The following PRKAG1 variants were observed in gnomAD, a reference collection of about 807,000 sequenced individuals.
PRKAG1 encodes 5'-AMP-activated protein kinase subunit gamma-1.
Under a neutral mutation model 48.2 loss-of-function variants are expected in PRKAG1, and 27 were observed. The observed-to-expected ratio is 0.56, with a 90% CI of 0.41 to 0.77. PRKAG1 has a LOEUF of 0.77. Ranked by LOEUF, PRKAG1 falls within the 30% of genes least tolerant of loss-of-function variation. PRKAG1 has a pLI of 0.00. For synonymous variants in PRKAG1, 130 were observed against 147.7 expected, an observed-to-expected ratio of 0.88 and a Z score of 0.87; for missense variants, 287 against 398.3, an observed-to-expected ratio of 0.72 and a Z score of 2.38.
intron 1 of PRKAG1, among the ~76,000 whole-genome samples, chr12:49,015,534 G>T (rs1941931845): frequency 6.6e-6 from 1 of 152,178 alleles, no homozygotes; most frequent in Non-Finnish European, 1.5e-5. Context: ...TAGAGATACA[G>T]ATACCAACAT....
intron 1 of PRKAG1, among the ~76,000 whole-genome samples, chr12:49,015,193 G>A (rs966385365): frequency 2.0e-5 from 3 of 152,074 alleles, no homozygotes; most frequent in Non-Finnish European, 2.9e-5. Flanking sequence ...GGGAGAGAGG[G>A]CTGTGATAAA....
chr12:49,010,848 C>CTTTTT (rs34751625), intron 2 of PRKAG1, among the ~76,000 whole-genome samples: 1 of 142,880 alleles, frequency 7.0e-6, no homozygotes, highest in South Asian at 2.2e-4. Context: ...AATGTACCAC[C>CTTTTT]TTTTTTTTTT....
chr12:49,007,983 G>T lies in PRKAG1; in HGVS notation c.59-2131C>A, dbSNP rs547541923. Among the ~76,000 whole-genome samples the T allele has an allele frequency of 2.9e-4, 43 of 150,768 alleles. No individual in the cohort carries two copies. The Middle Eastern group carries it at 0.01, about 36-fold the overall frequency. ...CAAGCGATTCTCCTGCCTCAGCCTC[G>T]CAAGTAGCTGGGGTTACAGGTGCCC... On this transcript the variant is annotated intron_variant, in intron 2 of 11. Transcript: ENST00000548065.
chr12:49,003,410 C>A (rs1485646120), intron 10 of PRKAG1, 120 bp from the exon 11 acceptor site: 1 of 1,530,580 alleles, frequency 6.5e-7, no homozygotes, highest in Non-Finnish European at 8.9e-7. Context: ...ACACCCAACT[C>A]ATTCAATTCC....
At chr12:49,013,460 G>A (rs1342844166) in intron 1 of PRKAG1, among the ~76,000 whole-genome samples, 1 of 152,112 alleles carries the variant, frequency 6.6e-6, no homozygotes, top group Admixed American at 6.5e-5. Context: ...GCCCAGGCTG[G>A]TCTTGAACTC....
Position 49,005,458 on chromosome 12 carries a change from T to C in PRKAG1, c.250+4A>G, listed in dbSNP as rs1941498948. ...AATATTGTGTTCCAGAAACTTTTGC[T>C]TACCCACAAAACTTTGCTTCTTACT... On this transcript the variant is annotated splice_donor_region_variant and intron_variant, in intron 4 of 11. Coordinates refer to ENST00000548065, the MANE Select transcript of PRKAG1 (RefSeq NM_002733.5). This position sits in a 1 kb window ranked among gnomAD's most constrained non-coding sequence, Gnocchi z 4.1. The C allele has an allele frequency of 3.1e-6, 5 of 1,613,928 alleles. No individual in the cohort carries two copies. The highest frequency in any genetic ancestry group is 1.6e-4 in the Middle Eastern group (1 of 6,084).
At chr12:49,018,357 C>G (rs1347992919) in intron 1 of PRKAG1, 7 of 834,602 alleles carry the variant, frequency 8.4e-6, no homozygotes, top group Non-Finnish European at 1.1e-5. Flanking sequence ...TCCCTCTGGA[C>G]GCCCCGTGCC....
intron 2 of PRKAG1, chr12:49,009,346 C>T (rs941399927): frequency 3.9e-5 from 6 of 151,984 alleles, no homozygotes; most frequent in Admixed American, 3.9e-4. Context: ...TGGTCTTGAA[C>T]TCCTGGCCTC....
At position 49,002,879 on chromosome 12, in the gene PRKAG1, G is replaced by A. The variant is rs1371124020; in HGVS notation, c.*20C>T. 1.2e-6 allele frequency: 2 copies of A among 1,602,302 alleles called. No homozygotes were observed. The highest frequency in any genetic ancestry group is 1.7e-5 in the Admixed American group (1 of 59,858). The stretch of plus-strand genomic sequence containing the variant: ...TGAGTTGGGCATATCCCCTGGTGCT[G>A]CATGACCCCTTCCCCCAGCTCAGGG... On this transcript the variant is annotated 3_prime_UTR_variant, in exon 12 of 12. Coordinates refer to ENST00000548065, the MANE Select transcript of PRKAG1 (RefSeq NM_002733.5).
Position 49,004,633 on chromosome 12 carries a change from G to A in PRKAG1, c.411C>T (p.Ser137=), listed in dbSNP as rs750199636. 1.9e-5 allele frequency: 30 copies of A among 1,613,994 alleles called. No homozygotes were observed. Among genetic ancestry groups the A allele is most frequent in the Non-Finnish European group, 2.5e-5 (30 of 1,180,024 alleles). ...KPLVCISPNA[S]LFDAVSSLIR... is the part of the protein sequence containing the mutation. ...TTAATGAAGAGACAGCATCAAACAA[G>A]CTGTGAGAGGGTGGGAGATAATAAG... is the stretch of plus-strand genomic sequence containing the variant. The change falls in exon 8 of 12, where the codon AGC becomes AGT. Residue 137 remains serine (S), a splice_region_variant and synonymous_variant. Transcript: ENST00000548065.
chr12:49,006,247 T>TC (rs1418822108), intron 2 of PRKAG1, among the ~76,000 whole-genome samples: 24 of 152,210 alleles, frequency 1.6e-4, no homozygotes, highest in African/African-American at 4.6e-4. Context: ...TTAAAATTCT[T>TC]CCAAGACTGT....
Position 49,005,474 on chromosome 12 carries a change from G to C in PRKAG1, c.238C>G (p.Gln80Glu). 1.2e-6 allele frequency: 2 copies of C among 1,614,080 alleles called. No homozygotes were observed. The highest frequency in any genetic ancestry group is 1.7e-6 in the Non-Finnish European group (2 of 1,180,004). ...RAAPLWDSKK[Q>E]SFVGMLTITD... ...AACTTTTGCTTACCCACAAAACTTT[G>C]CTTCTTACTATCCCATAAAGGGGCA... Residue 80 changes from glutamine to glutamate, a missense_variant, in exon 4 of 12, where the codon CAA (glutamine) becomes GAA (glutamate). This residue lies in a region of PRKAG1 where 224 missense variants were observed against 344.3 expected (regional missense o/e 0.65). Transcript: ENST00000548065. The surrounding 1 kb of genome is among the most constrained non-coding windows in gnomAD (Gnocchi z 4.1).
chr12:49,015,886 AC>A (rs1255279322), intron 1 of PRKAG1, among the ~76,000 whole-genome samples: 7 of 150,310 alleles, frequency 4.7e-5, no homozygotes, highest in Admixed American at 4.6e-4. Flanking sequence ...GTGACTTTTA[AC>A]TTTCTGCCTG....
intron 8 of PRKAG1, 157 bp from the exon 9 acceptor site, chr12:49,004,079 C>T (rs987205254): frequency 1.9e-6 from 2 of 1,027,098 alleles, no homozygotes; most frequent in Non-Finnish European, 2.7e-6. Flanking sequence ...TGCTTGAGCC[C>T]AGGAGTTCGA....
chr12:49,017,956 GGA>G (rs1942061536), intron 1 of PRKAG1: 1 of 152,208 alleles, frequency 6.6e-6, no homozygotes, highest in Non-Finnish European at 1.5e-5. Context: ...TAAAAACTGT[GGA>G]GAGGGAAGTG....
At chr12:49,013,351 T>C (rs911862812) in intron 1 of PRKAG1, among the ~76,000 whole-genome samples, 3 of 152,054 alleles carry the variant, frequency 2.0e-5, no homozygotes, top group Non-Finnish European at 2.9e-5. Context: ...CAGGTGATCC[T>C]CTCTCACCTC....
rs1371442630 is a variant in PRKAG1 at position 49,013,117 on chromosome 12, A to T, written c.10-7T>A. ...AGCTATCTGAAGAAATGACCTGGAG[A>T]GATAAGAAAACAGATTCAGCTTAAC... On this transcript the variant is annotated splice_region_variant and splice_polypyrimidine_tract_variant and intron_variant, in intron 1 of 11. Transcript: ENST00000548065. 16 of 1,612,428 alleles carry T rather than the reference A, an allele frequency of 9.9e-6. No homozygotes were observed. In the Admixed American group the frequency reaches 2.0e-4, roughly 20 times the overall value.
Position 49,011,658 on chromosome 12 carries a change from G to A in PRKAG1, c.58+1404C>T, listed in dbSNP as rs988593045. Among the ~76,000 whole-genome samples, 8 of 150,254 alleles carry A rather than the reference G, an allele frequency of 5.3e-5. No individual in the cohort carries two copies. The South Asian group carries it at 1.3e-3, about 24-fold the overall frequency. On this transcript the variant is annotated intron_variant, in intron 2 of 11. Transcript: ENST00000548065. ...CAAAATCTGCCTCCCAGGTTCAAGC[G>A]ATTCTGTGATTCTCCTGCCTCAGCC...
At chr12:49,003,513 C>A (rs748660295) in intron 10 of PRKAG1, 45 bp downstream of exon 10, 18 of 1,592,298 alleles carry the variant, frequency 1.1e-5, no homozygotes, top group South Asian at 1.1e-4. Flanking sequence ...ACAGTGCCCC[C>A]CCCCCACCAC....
Sources: gnomAD v4.1 joint callset for allele counts (sites outside exome capture counted in the v4.1 genomes callset) on GRCh38, gnomAD v4.1.1 for gene constraint, gnomAD v4.1.1 regional missense constraint, Gnocchi (gnomAD v3.1) non-coding constraint, MANE v1.5 for transcripts, NCBI Gene and HGNC (gene_info 2026-07-23, HGNC 2026-07-21) for gene names.